Variants in SV2C observed in about 807,000 individuals in gnomAD.
SV2C encodes the protein solute carrier family 22 member B3.
Under a neutral mutation model 79.7 loss-of-function variants are expected in SV2C, and 49 were observed. The ratio of observed to expected loss-of-function variants is 0.61; its 90% CI spans 0.49 to 0.78. The LOEUF (loss-of-function observed/expected upper bound fraction) is 0.78, where lower values mean the gene tolerates loss of function less well. Ranked by LOEUF, SV2C falls within the 30% of genes least tolerant of loss-of-function variation. SV2C has a pLI of 0.00. For synonymous variants in SV2C, 334 were observed against 333.2 expected, an observed-to-expected ratio of 1.00 and a Z score of -0.03; for missense variants, 833 against 912.9, an observed-to-expected ratio of 0.91 and a Z score of 1.13.
chr5:76,352,037 A>G (rs979951061), intron 12 of SV2C, among the ~76,000 whole-genome samples: 9 of 152,074 alleles, frequency 5.9e-5, no homozygotes, highest in African/African-American at 1.9e-4. Context: ...ACCTGGTGAA[A>G]CCCTATCTCT....
chr5:76,309,327 A>G (rs2937744), intron 12 of SV2C, among the ~76,000 whole-genome samples: 14,657 of 152,094 alleles, frequency 0.096, 752 homozygotes, highest in Admixed American at 0.14. Context: ...GAGGCCGGGC[A>G]CGGTGGCTCA....
the SV2C span, among the ~76,000 whole-genome samples, chr5:75,957,575 C>T: frequency 6.6e-6 from 1 of 152,040 alleles, no homozygotes; most frequent in Non-Finnish European, 1.5e-5. Context: ...ACTAACTTTT[C>T]TGCTCTGTCA....
chr5:76,275,423 C>A (rs2972837), intron 4 of SV2C, among the ~76,000 whole-genome samples: 21,671 of 151,148 alleles, frequency 0.14, 2,067 homozygotes, highest in African/African-American at 0.27. Flanking sequence ...GGAGGCAGAG[C>A]TTGCAGTGAG....
rs143862389 is a variant in SV2C at position 76,285,524 on chromosome 5, C to T, written c.1047+229C>T. On this transcript the variant is annotated intron_variant, in intron 5 of 12. Transcript: ENST00000502798. ...TTCTCCTTAAACAAATAACTTGGCT[C>T]AATGAAGAAAACATGATTTATTGTT... 313 of 650,306 alleles carry T rather than the reference C, an allele frequency of 4.8e-4. 4 individuals are homozygous for T. In the South Asian group the frequency reaches 6.7e-3, roughly 14 times the overall value. 40.3% of individuals were successfully genotyped at this position (650,306 alleles called of 1,614,324 possible).
the SV2C span, among the ~76,000 whole-genome samples, chr5:75,883,865 AC>A: frequency 4.0e-5 from 6 of 150,710 alleles, no homozygotes; most frequent in Admixed American, 6.6e-5. Context: ...CAAAAAAAAA[AC>A]ATTTCTTTCA....
At chr5:75,871,824 TATATATATATACACACACACACACACAC>T in the SV2C span, among the ~76,000 whole-genome samples, 1 of 114,524 alleles carries the variant, frequency 8.7e-6, no homozygotes, top group Non-Finnish European at 1.8e-5. Context: ...TAAATATATA[TATATATATATACACACACACACACACAC>T]ACACACGTAT....
At chr5:75,884,018 TTC>T in the SV2C span, among the ~76,000 whole-genome samples, 1 of 152,104 alleles carries the variant, frequency 6.6e-6, no homozygotes, top group Admixed American at 6.6e-5. Context: ...AAGTTGCAAA[TTC>T]TGATTAATAA....
At chr5:75,852,570 CAT>C in the SV2C span, among the ~76,000 whole-genome samples, 1 of 151,984 alleles carries the variant, frequency 6.6e-6, no homozygotes. Context: ...ATTCTTCAAA[CAT>C]AAAGGCAAAA....
upstream of SV2C, among the ~76,000 whole-genome samples, chr5:76,080,059 G>GT (rs1446712020): frequency 2.0e-5 from 3 of 151,018 alleles, no homozygotes; most frequent in Admixed American, 1.3e-4. Flanking sequence ...CGTGGGCTTT[G>GT]TTTTTTTGTT....
intron 4 of SV2C, among the ~76,000 whole-genome samples, chr5:76,252,503 C>T (rs535618199): frequency 6.6e-6 from 1 of 152,312 alleles, no homozygotes; most frequent in East Asian, 1.9e-4. Context: ...TCCCTGAGAA[C>T]ACAACCTTCT....
chr5:76,260,381 G>A (rs145800450), intron 4 of SV2C, among the ~76,000 whole-genome samples: 44 of 151,850 alleles, frequency 2.9e-4, no homozygotes, highest in African/African-American at 1.2e-4. Flanking sequence ...ATTTTCTCCC[G>A]TTCTGTAGGT....
intron 4 of SV2C, among the ~76,000 whole-genome samples, chr5:76,237,414 A>AT (rs1244597778): frequency 3.3e-5 from 5 of 151,934 alleles, no homozygotes; most frequent in Non-Finnish European, 7.4e-5. Flanking sequence ...TCTTACCACC[A>AT]TTTTTTTACT....
chr5:76,302,383 G>T (rs1748037440), intron 12 of SV2C, among the ~76,000 whole-genome samples: 1 of 152,158 alleles, frequency 6.6e-6, no homozygotes, highest in South Asian at 2.1e-4. Flanking sequence ...CCAGCAATTT[G>T]GGAGGCCGAG....
chr5:76,338,439 G>A (rs574478829), downstream of SV2C, among the ~76,000 whole-genome samples: 9 of 152,302 alleles, frequency 5.9e-5, no homozygotes, highest in African/African-American at 2.2e-4. Context: ...TCAGGTTTGG[G>A]TGGGGCTATA....
intron 2 of SV2C, among the ~76,000 whole-genome samples, chr5:76,136,536 T>G (rs1489357431): frequency 6.6e-6 from 1 of 152,154 alleles, no homozygotes; most frequent in Non-Finnish European, 1.5e-5. Flanking sequence ...TATGTTTTTT[T>G]TTTTCTGTGA....
chr5:76,030,280 T>TA, the SV2C span, among the ~76,000 whole-genome samples: 175 of 115,104 alleles, frequency 1.5e-3, 6 homozygotes, highest in African/African-American at 6.4e-3. Context: ...TTTTTTTTTT[T>TA]TTTTTTTTTT....
the SV2C span, among the ~76,000 whole-genome samples, chr5:76,048,121 T>C: frequency 6.6e-6 from 1 of 152,188 alleles, no homozygotes; most frequent in East Asian, 1.9e-4. Context: ...ATACAATTTT[T>C]TCTGTTGATT....
the SV2C span, among the ~76,000 whole-genome samples, chr5:75,918,287 C>T: frequency 4.6e-5 from 7 of 152,260 alleles, no homozygotes; most frequent in Non-Finnish European, 7.4e-5. Flanking sequence ...GTAAATACAA[C>T]GATTGCAGAC....
chr5:75,947,147 A>G, the SV2C span, among the ~76,000 whole-genome samples: 1 of 152,068 alleles, frequency 6.6e-6, no homozygotes, highest in South Asian at 2.1e-4. Flanking sequence ...TGGAGGTGCC[A>G]GTGGGAATAA....
Sources: allele counts gnomAD v4.1 joint callset (sites outside exome capture counted in the v4.1 genomes callset), GRCh38; gene constraint gnomAD v4.1.1; transcripts MANE v1.5; gene names NCBI Gene and HGNC (gene_info 2026-07-23, HGNC 2026-07-21).